PPP2R1B: variants seen among roughly 807,000 people sequenced by gnomAD.
PPP2R1B encodes the protein protein phosphatase 2 scaffold subunit Abeta.
PPP2R1B carries 58 observed loss-of-function variants against 72.7 expected under a neutral mutation model. The observed-to-expected ratio is 0.80, with a 90% CI of 0.65 to 0.99. The LOEUF is 0.99. Ranked by LOEUF, PPP2R1B falls within the 50% of genes least tolerant of loss-of-function variation. The probability of loss-of-function intolerance (pLI) is 0.00; values close to 1 mark genes in which losing one functional copy is unlikely to be tolerated. For synonymous variants in PPP2R1B, 256 were observed against 264.6 expected, an observed-to-expected ratio of 0.97 and a Z score of 0.32; for missense variants, 695 against 733.6, an observed-to-expected ratio of 0.95 and a Z score of 0.61.
chr11:111,766,038 T>C (rs1234486072), intron 1 of PPP2R1B: 1 of 599,100 alleles, frequency 1.7e-6, no homozygotes, highest in East Asian at 2.9e-5. Flanking sequence ...CCTCAGGGGG[T>C]CCGAAGCAAG....
chr11:111,723,938 C>A (rs767803933), downstream of PPP2R1B: 2 of 1,614,108 alleles, frequency 1.2e-6, no homozygotes, highest in South Asian at 1.1e-5. Flanking sequence ...CTATCCCACT[C>A]CCTGTCAGTA....
the PPP2R1B span, among the ~76,000 whole-genome samples, chr11:111,707,827 T>C: frequency 6.6e-6 from 1 of 152,212 alleles, no homozygotes; most frequent in African/African-American, 2.4e-5. Context: ...TGTGGAATCA[T>C]GCAGACCTTG....
downstream of PPP2R1B, chr11:111,737,686 G>T: frequency 6.5e-7 from 1 of 1,529,552 alleles, no homozygotes; most frequent in Non-Finnish European, 8.8e-7. Context: ...TGGGTGTCCA[G>T]CAGCAGCCTA....
chr11:111,730,484 A>G (rs1944151093), intron 15 of PPP2R1B: 1 of 152,264 alleles, frequency 6.6e-6, no homozygotes, highest in Admixed American at 6.5e-5. Context: ...TAGAAAGGGC[A>G]AGATTATTTG....
intron 3 of PPP2R1B, among the ~76,000 whole-genome samples, chr11:111,762,440 G>GATGAGGCC (rs1385105071): frequency 6.6e-6 from 1 of 151,976 alleles, no homozygotes; most frequent in African/African-American, 2.4e-5. Context: ...ATTACTACAG[G>GATGAGGCC]ATGAGGCCAT....
chr11:111,745,137 C>T (rs939094889), intron 11 of PPP2R1B, among the ~76,000 whole-genome samples: 1 of 150,688 alleles, frequency 6.6e-6, no homozygotes, highest in East Asian at 2.0e-4. Context: ...CTGCAACCTC[C>T]GCCTCCTGGG....
At chr11:111,757,816 C>G (rs1021945649) in intron 5 of PPP2R1B, among the ~76,000 whole-genome samples, 5 of 141,118 alleles carry the variant, frequency 3.5e-5, no homozygotes, top group Non-Finnish European at 7.6e-5. Flanking sequence ...GCCTGGGCGA[C>G]AGGAGTGAAA....
chr11:111,723,342 A>T (rs796840512), downstream of PPP2R1B, among the ~76,000 whole-genome samples: 1 of 152,202 alleles, frequency 6.6e-6, no homozygotes, highest in African/African-American at 2.4e-5. Context: ...GGTTTAAGAG[A>T]CCCAACACAA....
intron 3 of PPP2R1B, among the ~76,000 whole-genome samples, chr11:111,762,571 T>TC (rs1945365559): frequency 6.6e-6 from 1 of 151,194 alleles, no homozygotes; most frequent in South Asian, 2.1e-4. Context: ...TTTTTTTTTT[T>TC]AAGAGACAGG....
chr11:111,710,404 A>G, the PPP2R1B span, among the ~76,000 whole-genome samples: 1 of 152,228 alleles, frequency 6.6e-6, no homozygotes, highest in Non-Finnish European at 1.5e-5. Flanking sequence ...TTTATCTTAT[A>G]CAGTATAGCC....
At chr11:111,744,558 G>A (rs1944637285) in intron 11 of PPP2R1B, among the ~76,000 whole-genome samples, 1 of 152,170 alleles carries the variant, frequency 6.6e-6, no homozygotes, top group Non-Finnish European at 1.5e-5. Context: ...CAAGCCTGGT[G>A]TCACTTCACT....
At chr11:111,703,111 T>C in the PPP2R1B span, 1 of 1,112,026 alleles carries the variant, frequency 9.0e-7, no homozygotes, top group Non-Finnish European at 1.3e-6. Context: ...ATACAAAGAT[T>C]AACACCCTTG....
rs782379116 is a variant in PPP2R1B at position 111,760,845 on chromosome 11, T to C, written c.513A>G (p.Ser171=). 4 of 1,614,052 alleles carry C rather than the reference T, an allele frequency of 2.5e-6. No homozygotes were observed. The highest frequency in any genetic ancestry group is 1.3e-5 in the African/African-American group (1 of 74,932). The change falls in exon 4 of 15, where the codon TCA becomes TCG. Residue 171 remains serine (S), a synonymous_variant. Transcript: ENST00000527614. The part of the protein sequence containing the change: ...GLFSVCYPRA[S]NAVKAEIRQQ... ...GTCTGATTTCTGCTTTAACAGCATT[T>C]GATGCCCTGGGATAGCAAACGCTGA...
intron 3 of PPP2R1B, among the ~76,000 whole-genome samples, 162 bp downstream of exon 3, chr11:111,764,643 G>A (rs1456464938): frequency 6.6e-6 from 1 of 151,716 alleles, no homozygotes; most frequent in Admixed American, 6.6e-5. Context: ...GGAGTTGAGT[G>A]CAAAGTGCCT....
At chr11:111,746,326 G>A (rs1483698001) in intron 11 of PPP2R1B, among the ~76,000 whole-genome samples, 1 of 152,142 alleles carries the variant, frequency 6.6e-6, no homozygotes, top group Non-Finnish European at 1.5e-5. Context: ...CCTTTGCAGG[G>A]ACATGGATGA....
chr11:111,730,608 T>C (rs1944157650), intron 15 of PPP2R1B: 1 of 151,992 alleles, frequency 6.6e-6, no homozygotes, highest in Non-Finnish European at 1.5e-5. Context: ...TTTTAATTAC[T>C]AAGAAAAAAA....
rs782606789 is a variant in PPP2R1B at position 111,764,873 on chromosome 11, C to G, written c.238G>C (p.Ala80Pro). 6.2e-7 allele frequency: 1 copy of G among 1,614,022 alleles called. No individual in the cohort carries two copies. The highest frequency in any genetic ancestry group is 1.1e-5 in the South Asian group (1 of 91,082). The change falls in exon 3 of 15, where the codon GCT becomes CCT. Residue 80 changes from alanine to proline, a missense_variant. Ala to Pro is a conservative substitution (Grantham distance 27). Transcript: ENST00000527614. ...TIYDEDEVLL[A>P]LAEQLGNFTG... ...AAATTTCCCAGCTGCTCAGCAAGAGCTAATAGTACCTCATCTTCATCATAA... is the reference window on the plus strand; with the variant it reads ...AAATTTCCCAGCTGCTCAGCAAGAGGTAATAGTACCTCATCTTCATCATAA...
chr11:111,690,069 C>T, the PPP2R1B span, among the ~76,000 whole-genome samples: 1 of 151,914 alleles, frequency 6.6e-6, no homozygotes, highest in African/African-American at 2.4e-5. Flanking sequence ...ATGTGATGCA[C>T]AAAATTAGAA....
chr11:111,741,716 A>G, intron 14 of PPP2R1B, 104 bp from the exon 15 acceptor site: 1 of 1,266,270 alleles, frequency 7.9e-7, no homozygotes, highest in Non-Finnish European at 1.1e-6. Flanking sequence ...TCAAACTAAC[A>G]ACTTCTCACT....
Sources: allele counts gnomAD v4.1 joint callset (sites outside exome capture counted in the v4.1 genomes callset), GRCh38; gene constraint gnomAD v4.1.1; transcripts MANE v1.5; gene names NCBI Gene and HGNC (gene_info 2026-07-23, HGNC 2026-07-21).